NOVA1: variants seen among roughly 807,000 people sequenced by gnomAD.
NOVA1 encodes NOVA alternative splicing regulator 1.
A neutral mutation model predicts 38.0 loss-of-function variants in NOVA1; 7 were observed. That is an observed-to-expected ratio of 0.18 (90% CI 0.10 to 0.35). The LOEUF is 0.35. Ranked by LOEUF, NOVA1 falls within the 10% of genes least tolerant of loss-of-function variation. The probability of loss-of-function intolerance (pLI) is 1.00; values close to 1 mark genes in which losing one functional copy is unlikely to be tolerated. For missense variants in NOVA1, 460 were observed against 616.0 expected (o/e 0.75, Z 2.68); for synonymous variants, 270 against 232.5 (o/e 1.16, Z -1.47).
intron 2 of NOVA1, among the ~76,000 whole-genome samples, chr14:26,562,789 C>T (rs1191595827): frequency 6.6e-6 from 1 of 152,156 alleles, no homozygotes; most frequent in East Asian, 1.9e-4. Flanking sequence ...TACTACCCTA[C>T]TTTACATATT....
At chr14:26,596,947 C>A in intron 1 of NOVA1, 1 of 1,208,616 alleles carries the variant, frequency 8.3e-7, no homozygotes, top group Non-Finnish European at 1.0e-6. Flanking sequence ...GCCATCACCT[C>A]ACTCCGGGGT....
chr14:26,521,259 C>T (rs1888860398), intron 2 of NOVA1, among the ~76,000 whole-genome samples: 1 of 151,988 alleles, frequency 6.6e-6, no homozygotes, highest in Admixed American at 6.6e-5. Flanking sequence ...TAATATATTT[C>T]ATACCTTACA....
At position 26,471,013 on chromosome 14, in the gene NOVA1, T is replaced by C. The variant is rs1239530454; in HGVS notation, c.519+1307A>G. On this transcript the variant is annotated intron_variant, in intron 4 of 4. Coordinates refer to ENST00000539517, the MANE Select transcript of NOVA1 (RefSeq NM_002515.3). The stretch of plus-strand genomic sequence containing the variant: ...TATACTTTTAAACTTCATGCATTTG[T>C]AATACAAGCTTGGTTGTCACTTTAT... Among the ~76,000 whole-genome samples the C allele has an allele frequency of 2.0e-5, 3 of 152,124 alleles. No homozygotes were observed. The East Asian group carries it at 5.8e-4, about 29-fold the overall frequency.
chr14:26,539,974 A>C (rs1373647411), intron 2 of NOVA1, among the ~76,000 whole-genome samples: 1 of 152,220 alleles, frequency 6.6e-6, no homozygotes, highest in Non-Finnish European at 1.5e-5. Context: ...TACTAGCATA[A>C]ATCAGATCCA....
intron 2 of NOVA1, among the ~76,000 whole-genome samples, chr14:26,588,992 C>CA (rs202201813): frequency 1.3e-5 from 2 of 150,630 alleles, no homozygotes; most frequent in Non-Finnish European, 3.0e-5. Flanking sequence ...GTTTACAAAA[C>CA]AAAAAAATAG....
intron 2 of NOVA1, among the ~76,000 whole-genome samples, chr14:26,577,121 T>C (rs1892906483): frequency 1.3e-5 from 2 of 152,226 alleles, no homozygotes; most frequent in South Asian, 4.1e-4. Context: ...TATCTGTGTC[T>C]GGCTTATTTC....
At chr14:26,511,776 C>T (rs1303100572) in intron 2 of NOVA1, among the ~76,000 whole-genome samples, 1 of 151,430 alleles carries the variant, frequency 6.6e-6, no homozygotes, top group African/African-American at 2.4e-5. Flanking sequence ...AGAAGAGTTT[C>T]CCAAAGTTTT....
intron 2 of NOVA1, among the ~76,000 whole-genome samples, chr14:26,572,725 A>AGTGTGTGT (rs56021646): frequency 0.23 from 32,051 of 138,166 alleles, 4,514 homozygotes; most frequent in Admixed American, 0.31. Context: ...AAGGAACCGC[A>AGTGTGTGT]GTGTGTGTGT....
At chr14:26,552,396 A>G (rs148574235) in intron 2 of NOVA1, among the ~76,000 whole-genome samples, 85 of 152,298 alleles carry the variant, frequency 5.6e-4, no homozygotes, top group Middle Eastern at 6.8e-3. Flanking sequence ...TAGAAAATCA[A>G]TTAGAGGTAT....
chr14:26,563,061 A>G (rs1263174241), intron 2 of NOVA1, among the ~76,000 whole-genome samples: 2 of 152,100 alleles, frequency 1.3e-5, no homozygotes, highest in Non-Finnish European at 2.9e-5. Flanking sequence ...GATCACACTA[A>G]TGAAGCTATC....
intron 2 of NOVA1, among the ~76,000 whole-genome samples, chr14:26,506,067 T>C (rs959585936): frequency 5.3e-5 from 8 of 152,140 alleles, no homozygotes; most frequent in African/African-American, 1.9e-4. Flanking sequence ...TTACCAAATA[T>C]TACAACCAAA....
chr14:26,455,506 C>A (rs1367309468), intron 4 of NOVA1, among the ~76,000 whole-genome samples: 1 of 152,030 alleles, frequency 6.6e-6, no homozygotes, highest in Non-Finnish European at 1.5e-5. Flanking sequence ...TGAGAAAATT[C>A]TGTTCAAAAT....
intron 4 of NOVA1, among the ~76,000 whole-genome samples, chr14:26,461,869 G>A (rs2138612336): frequency 6.6e-6 from 1 of 152,020 alleles, no homozygotes; most frequent in South Asian, 2.1e-4. Flanking sequence ...GAACCTGGGA[G>A]TGGGAGGTTC....
chr14:26,454,167 G>T (rs1269409621), intron 4 of NOVA1, among the ~76,000 whole-genome samples: 1 of 146,798 alleles, frequency 6.8e-6, no homozygotes, highest in African/African-American at 2.5e-5. Context: ...AAAATGCAAA[G>T]AAAAAAAAAA....
chr14:26,473,648 G>C (rs1704139208), intron 3 of NOVA1, among the ~76,000 whole-genome samples: 1 of 151,752 alleles, frequency 6.6e-6, no homozygotes, highest in South Asian at 2.1e-4. Context: ...AAATTTCCAG[G>C]CTTCTGGTTA....
intron 2 of NOVA1, among the ~76,000 whole-genome samples, chr14:26,564,311 C>G (rs1043922681): frequency 6.6e-6 from 1 of 152,132 alleles, no homozygotes; most frequent in African/African-American, 2.4e-5. Context: ...ACGCATCAGG[C>G]ACTATTCCAA....
At chr14:26,526,279 T>A (rs1393680150) in intron 2 of NOVA1, among the ~76,000 whole-genome samples, 1 of 152,302 alleles carries the variant, frequency 6.6e-6, no homozygotes, top group East Asian at 1.9e-4. Context: ...ATGACTAACA[T>A]GGTTCTGTTT....
At chr14:26,558,271 T>G (rs1891616370) in intron 2 of NOVA1, among the ~76,000 whole-genome samples, 1 of 152,198 alleles carries the variant, frequency 6.6e-6, no homozygotes, top group African/African-American at 2.4e-5. Context: ...ATCTCCATTT[T>G]GGCTCATCAA....
intron 4 of NOVA1, chr14:26,472,104 G>A (rs1884629003): frequency 4.3e-6 from 2 of 470,246 alleles, no homozygotes; most frequent in Non-Finnish European, 7.5e-6. Flanking sequence ...AATTAGAGTA[G>A]TTTAATATCT....
Sources: gnomAD v4.1 joint callset for allele counts (sites outside exome capture counted in the v4.1 genomes callset) on GRCh38, gnomAD v4.1.1 for gene constraint, MANE v1.5 for transcripts, NCBI Gene and HGNC (gene_info 2026-07-23, HGNC 2026-07-21) for gene names.